IBTK: variants seen among roughly 807,000 people sequenced by gnomAD.
IBTK encodes the protein BTK-binding protein.
A neutral mutation model predicts 154.9 loss-of-function variants in IBTK; 83 were observed. That is an observed-to-expected ratio of 0.54 (90% CI 0.45 to 0.64). The LOEUF is 0.64. Ranked by LOEUF, IBTK falls within the 30% of genes least tolerant of loss-of-function variation. The pLI is 0.00. For synonymous variants in IBTK, 515 were observed against 536.1 expected (o/e 0.96, Z 0.54); for missense variants, 1,332 against 1,584.6 (o/e 0.84, Z 2.71).
chr6:82,201,523 G>T, intron 18 of IBTK, 41 bp from the exon 19 acceptor site: 2 of 1,388,166 alleles, frequency 1.4e-6, no homozygotes, highest in Non-Finnish European at 2.0e-6. Context: ...AGATTCAAGT[G>T]ACTTGATAAC....
intron 12 of IBTK, among the ~76,000 whole-genome samples, 195 bp downstream of exon 12, chr6:82,214,032 T>G (rs1190606444): frequency 2.6e-5 from 4 of 151,894 alleles, no homozygotes; most frequent in East Asian, 1.9e-4. Context: ...CTCGGCTCAC[T>G]GCAAGCTCCG....
At chr6:82,210,779 TG>T in intron 16 of IBTK, 34 bp downstream of exon 16, 1 of 870,604 alleles carries the variant, frequency 1.1e-6, no homozygotes, top group Non-Finnish European at 1.7e-6. Flanking sequence ...CCATTATATG[TG>T]AAGTATCTAC....
In IBTK at chr6:82,193,124, C is replaced by T. The variant is rs540012502; in HGVS notation, c.3339-1245G>A. 1.5e-4 allele frequency among the ~76,000 whole-genome samples: 23 copies of T among 151,404 alleles called. No homozygotes were observed. In the South Asian group the frequency reaches 4.8e-3, roughly 32 times the overall value. ...AAAAAAAAAAAAAGTCATATTACTT[C>T]ATATTAAAGGGAACCTGTTTCCTGT... On this transcript the variant is annotated intron_variant, in intron 23 of 28. Coordinates refer to ENST00000306270, the MANE Select transcript of IBTK (RefSeq NM_015525.4).
chr6:82,176,517 G>C (rs1210382347), intron 26 of IBTK, among the ~76,000 whole-genome samples: 1 of 110,218 alleles, frequency 9.1e-6, no homozygotes, highest in Non-Finnish European at 1.7e-5. Flanking sequence ...GCGAGAGTCC[G>C]TCTCAAAAAA....
chr6:82,243,117 T>C (rs759403720), intron 1 of IBTK, among the ~76,000 whole-genome samples: 1 of 151,464 alleles, frequency 6.6e-6, no homozygotes, highest in Non-Finnish European at 1.5e-5. Flanking sequence ...GGCGGGCGCC[T>C]GTAGTCCCAG....
In IBTK at chr6:82,216,255, TA is replaced by T. The variant is rs144924582; in HGVS notation, c.1427-6del. On this transcript the variant is annotated splice_region_variant and splice_polypyrimidine_tract_variant and intron_variant, in intron 10 of 28. Transcript: ENST00000306270. ...TGTGAAGGTTTGATAAAATCTCTGT[TA>T]AAAAAAAATAAACTACCATTAATCA... The T allele has an allele frequency of 8.9e-4, 1,359 of 1,519,256 alleles. No individual in the cohort carries two copies. The highest frequency in any genetic ancestry group is 4.5e-3 in the African/African-American group (323 of 71,006). The allele number at this position is 1,519,256 out of a possible 1,614,324, so 94.1% of individuals were successfully genotyped here. A position where few individuals can be genotyped will look rare whatever the true frequency, so the allele number is the denominator to read the frequency against.
At chr6:82,217,739 G>A (rs564424881) in intron 10 of IBTK, among the ~76,000 whole-genome samples, 1 of 152,240 alleles carries the variant, frequency 6.6e-6, no homozygotes, top group South Asian at 2.1e-4. Flanking sequence ...TGACTACAAT[G>A]CGCCAGGAAA....
In IBTK at chr6:82,216,190, CTATT is replaced by C; in HGVS notation, c.1483_1486del (p.Asn495ValfsTer59). On this transcript the variant is annotated frameshift_variant, in exon 11 of 29. Transcript: ENST00000306270. LOFTEE classifies it high-confidence loss of function. ...CTCAAGTCGAATTCTTTCATACACA[CTATT>C]TATATCAGAGACATAAGACACATCT... is the stretch of plus-strand genomic sequence containing the variant. 6.2e-7 allele frequency: 1 copy of C among 1,611,322 alleles called. No individual in the cohort carries two copies. The highest frequency in any genetic ancestry group is 8.5e-7 in the Non-Finnish European group (1 of 1,178,178).
intron 25 of IBTK, among the ~76,000 whole-genome samples, chr6:82,185,785 CA>C (rs1157606426): frequency 1.3e-5 from 2 of 151,882 alleles, no homozygotes; most frequent in Non-Finnish European, 2.9e-5. Flanking sequence ...AAATACTTTG[CA>C]GCCTTCTAAG....
rs752311774 is a variant in IBTK at position 82,191,175 on chromosome 6, C to T, written c.3473G>A (p.Arg1158Gln). 8 of 1,609,164 alleles carry T rather than the reference C, an allele frequency of 5.0e-6. No homozygotes were observed. The highest frequency in any genetic ancestry group is 2.2e-5 in the East Asian group (1 of 44,592). ...CTTGGTAGTCAATGCAATCATTTTT[C>T]GTTGCTTCTGAGAAAGTTTAACTCC... ...SHGVKLSQKQ[R>Q]KMIALTTKEN... is the part of the protein sequence containing the mutation. Residue 1158 changes from arginine (R) to glutamine (Q), a missense_variant, in exon 25 of 29, where the codon CGA becomes CAA. Arg to Gln is a conservative substitution (Grantham distance 43). This residue lies in a region of IBTK where 1,134 missense variants were observed against 1,274.7 expected (regional missense o/e 0.89). Transcript: ENST00000306270.
At position 82,210,786 on chromosome 6, in the gene IBTK, T is replaced by G. The variant is rs766226862; in HGVS notation, c.2509+28A>C. On this transcript the variant is annotated intron_variant, in intron 16 of 28. Coordinates refer to ENST00000306270, the MANE Select transcript of IBTK (RefSeq NM_015525.4). The stretch of plus-strand genomic sequence containing the variant: ...CCATTATTCCATTATATGTGAAGTA[T>G]CTACAATGTCCTAACTCTTATTAAT... 3.0e-5 allele frequency: 30 copies of G among 989,256 alleles called. 1 individual carries two copies. Among genetic ancestry groups the G allele is most frequent in the South Asian group, 1.4e-4 (7 of 48,348 alleles). 61.3% of individuals were successfully genotyped at this position (989,256 alleles called of 1,614,324 possible). A position where few individuals can be genotyped will look rare whatever the true frequency, so the allele number is the denominator to read the frequency against.
At chr6:82,173,473 T>G (rs558221422) in intron 26 of IBTK, 35 bp from the exon 27 acceptor site, 3 of 1,555,574 alleles carry the variant, frequency 1.9e-6, no homozygotes, top group East Asian at 2.2e-5. Context: ...AGATTAAAGC[T>G]TCTAGTAATA....
chr6:82,226,574 G>A (rs1770305611), intron 5 of IBTK, among the ~76,000 whole-genome samples: 1 of 151,318 alleles, frequency 6.6e-6, no homozygotes. Flanking sequence ...TTCAGGAAAA[G>A]TGTTTTACAA....
intron 26 of IBTK, among the ~76,000 whole-genome samples, chr6:82,177,179 A>G (rs1239247888): frequency 6.7e-6 from 1 of 150,060 alleles, no homozygotes; most frequent in East Asian, 1.9e-4. Flanking sequence ...TCCATATTGT[A>G]TCGTAATTTC....
chr6:82,247,525 G>GC, intron 1 of IBTK, 37 bp downstream of exon 1: 2 of 398,872 alleles, frequency 5.0e-6, no homozygotes, highest in Non-Finnish European at 8.8e-6. Flanking sequence ...AAGGGAAGCC[G>GC]CACCGCACGG....
chr6:82,231,787 T>A lies in IBTK; in HGVS notation c.474A>T (p.Gly158=). ...CTGGATGATGTTTGCTATTCTGGCTTCCATGACCCAGGGTAAAATTTGTAT... is the reference window on the plus strand; with the variant it reads ...CTGGATGATGTTTGCTATTCTGGCTACCATGACCCAGGGTAAAATTTGTAT... ...GDNTNFTLGH[G]SQNSKHHPEL... is the part of the protein sequence containing the mutation. Residue 158 remains glycine (G), a synonymous_variant, in exon 4 of 29, where the codon GGA becomes GGT. Coordinates refer to ENST00000306270, the MANE Select transcript of IBTK (RefSeq NM_015525.4). 1.2e-6 allele frequency: 2 copies of A among 1,607,846 alleles called. No individual in the cohort carries two copies. Among genetic ancestry groups the A allele is most frequent in the Non-Finnish European group, 1.7e-6 (2 of 1,175,610 alleles).
chr6:82,222,956 C>T (rs569070155), intron 8 of IBTK, among the ~76,000 whole-genome samples: 44 of 151,012 alleles, frequency 2.9e-4, no homozygotes, highest in African/African-American at 1.0e-3. Context: ...ACTAGTCAAC[C>T]AACTGCTACT....
At chr6:82,209,975 T>C (rs1345401958) in intron 16 of IBTK, among the ~76,000 whole-genome samples, 1 of 152,136 alleles carries the variant, frequency 6.6e-6, no homozygotes, top group Non-Finnish European at 1.5e-5. Flanking sequence ...GTTTCTTGAA[T>C]ATAAAAAAAG....
At chr6:82,186,772 T>C (rs1376609594) in intron 25 of IBTK, among the ~76,000 whole-genome samples, 3 of 152,140 alleles carry the variant, frequency 2.0e-5, no homozygotes, top group Admixed American at 6.6e-5. Flanking sequence ...AAATTATCTA[T>C]AATTGGTCAG....
Sources: allele counts gnomAD v4.1 joint callset (sites outside exome capture counted in the v4.1 genomes callset), GRCh38; gene constraint gnomAD v4.1.1; regional missense constraint gnomAD v4.1.1; transcripts MANE v1.5; gene names NCBI Gene and HGNC (gene_info 2026-07-23, HGNC 2026-07-21).